Variants in CDH18 observed in about 807,000 individuals in gnomAD.
CDH18 encodes cadherin-18.
CDH18 carries 31 observed loss-of-function variants against 67.9 expected under a neutral mutation model. The ratio of observed to expected loss-of-function variants is 0.46; its 90% CI spans 0.34 to 0.62. The LOEUF is 0.62. CDH18 is among the 20% of genes least tolerant of loss of function. The pLI is 0.01. For missense variants in CDH18, 890 were observed against 975.5 expected (o/e 0.91, Z 1.17); for synonymous variants, 362 against 347.2 (o/e 1.04, Z -0.48).
chr5:19,926,171 G>A (rs957894269), intron 2 of CDH18, among the ~76,000 whole-genome samples: 6 of 152,080 alleles, frequency 3.9e-5, no homozygotes, highest in Non-Finnish European at 4.4e-5. Flanking sequence ...TGACCATACC[G>A]TTCAAGCCTA....
intron 1 of CDH18, among the ~76,000 whole-genome samples, chr5:20,364,930 T>C (rs1022173525): frequency 1.8e-4 from 28 of 152,308 alleles, no homozygotes; most frequent in Admixed American, 7.8e-4. Context: ...ATGGGAATTG[T>C]TTTTTGAGGA....
chr5:19,705,758 C>A (rs970380519), intron 5 of CDH18, among the ~76,000 whole-genome samples: 1 of 151,996 alleles, frequency 6.6e-6, no homozygotes. Flanking sequence ...TGGATATGAT[C>A]CTGGAAAAAT....
At chr5:20,110,635 G>C (rs1747380453) in intron 2 of CDH18, among the ~76,000 whole-genome samples, 1 of 152,130 alleles carries the variant, frequency 6.6e-6, no homozygotes, top group African/African-American at 2.4e-5. Flanking sequence ...AGTTAGCTGA[G>C]ATCGCACCAC....
At chr5:20,317,271 T>C (rs1737560818) in intron 1 of CDH18, among the ~76,000 whole-genome samples, 1 of 152,090 alleles carries the variant, frequency 6.6e-6, no homozygotes, top group South Asian at 2.1e-4. Flanking sequence ...CTGACAGCTG[T>C]GTAAAGAAGC....
intron 1 of CDH18, among the ~76,000 whole-genome samples, chr5:20,445,949 T>C (rs6887953): frequency 0.74 from 111,866 of 151,854 alleles, 41,543 homozygotes; most frequent in Admixed American, 0.84. Flanking sequence ...AGGGTGCTTT[T>C]ATGGGGCTTG....
intron 1 of CDH18, among the ~76,000 whole-genome samples, chr5:20,408,929 A>G (rs559015500): frequency 6.6e-5 from 10 of 151,984 alleles, no homozygotes; most frequent in Admixed American, 5.2e-4. Context: ...CTTATCTCAG[A>G]AAAAAATTAG....
At chr5:19,807,277 C>T (rs1778137442) in intron 3 of CDH18, among the ~76,000 whole-genome samples, 1 of 151,792 alleles carries the variant, frequency 6.6e-6, no homozygotes, top group Admixed American at 6.6e-5. Flanking sequence ...CACATGTTTA[C>T]CTATGTAACA....
chr5:19,867,916 C>G (rs1026560446), intron 2 of CDH18, among the ~76,000 whole-genome samples: 1 of 152,116 alleles, frequency 6.6e-6, no homozygotes, highest in Admixed American at 6.5e-5. Flanking sequence ...GTGCTTACCC[C>G]CATGCTTCTG....
rs193191136 is a variant in CDH18, at chr5:20,392,821, C to A, written c.-579-137316G>T. On this transcript the variant is annotated intron_variant, in intron 1 of 14. Transcript: ENST00000507958. Reference sequence around the variant, plus strand: ...TCCAATTGTAAGTCAGTGAACATACCTTATTTTGGTTCAGCACTTTTTTTA... The same window carrying A: ...TCCAATTGTAAGTCAGTGAACATACATTATTTTGGTTCAGCACTTTTTTTA... Among the ~76,000 whole-genome samples the A allele has an allele frequency of 3.9e-3, 599 of 151,734 alleles. 6 individuals carry two copies. The highest frequency in any genetic ancestry group is 0.014 in the African/African-American group (586 of 41,452).
At chr5:20,556,652 A>T (rs187480568) in intron 1 of CDH18, among the ~76,000 whole-genome samples, 6 of 152,168 alleles carry the variant, frequency 3.9e-5, no homozygotes, top group Non-Finnish European at 7.4e-5. Context: ...TTTATCATTA[A>T]ATGTTGGCCC....
At chr5:20,207,799 G>A (rs1227889904) in intron 2 of CDH18, among the ~76,000 whole-genome samples, 1 of 151,934 alleles carries the variant, frequency 6.6e-6, no homozygotes, top group East Asian at 1.9e-4. Flanking sequence ...AATTATATAA[G>A]CAAACGGAAG....
At chr5:19,939,175 G>T (rs1333625412) in intron 2 of CDH18, among the ~76,000 whole-genome samples, 1 of 151,174 alleles carries the variant, frequency 6.6e-6, no homozygotes, top group Non-Finnish European at 1.5e-5. Context: ...TACCAATGAG[G>T]ATCAAAACAC....
intron 2 of CDH18, among the ~76,000 whole-genome samples, chr5:19,884,138 T>C (rs1310721902): frequency 6.6e-6 from 1 of 152,128 alleles, no homozygotes; most frequent in Admixed American, 6.6e-5. Context: ...TGACAGTCAA[T>C]GGGAAGTTAA....
At chr5:19,658,535 C>T (rs933523793) in intron 5 of CDH18, among the ~76,000 whole-genome samples, 8 of 152,028 alleles carry the variant, frequency 5.3e-5, no homozygotes, top group African/African-American at 1.9e-4. Flanking sequence ...ACATCTGAGG[C>T]ACCCATGGTA....
At chr5:20,111,529 T>C (rs894289185) in intron 2 of CDH18, among the ~76,000 whole-genome samples, 107 of 67,584 alleles carry the variant, frequency 1.6e-3, no homozygotes, top group Non-Finnish European at 2.4e-3. Flanking sequence ...CTCCCTCCCT[T>C]CCTTCCTTCC....
intron 3 of CDH18, among the ~76,000 whole-genome samples, chr5:19,834,927 T>C (rs1260606817): frequency 1.3e-5 from 2 of 152,148 alleles, no homozygotes; most frequent in African/African-American, 4.8e-5. Context: ...TCGATGGGAA[T>C]GTAAATTGGT....
chr5:19,913,105 A>G (rs1791337779), intron 2 of CDH18, among the ~76,000 whole-genome samples: 1 of 152,144 alleles, frequency 6.6e-6, no homozygotes, highest in Non-Finnish European at 1.5e-5. Flanking sequence ...CCGATTTTTT[A>G]AAAGCAAAAA....
At chr5:20,221,103 C>T (rs972455209) in intron 2 of CDH18, among the ~76,000 whole-genome samples, 7 of 151,862 alleles carry the variant, frequency 4.6e-5, no homozygotes, top group African/African-American at 1.2e-4. Flanking sequence ...CAAAACACCA[C>T]GGTTAGATAT....
chr5:19,759,106 T>C (rs10941451), intron 3 of CDH18, among the ~76,000 whole-genome samples: 20,959 of 152,256 alleles, frequency 0.14, 3,669 homozygotes, highest in African/African-American at 0.4. Context: ...TGGTTGCATA[T>C]CAGTTACCAG....
Sources: gnomAD v4.1 joint callset for allele counts (sites outside exome capture counted in the v4.1 genomes callset) on GRCh38, gnomAD v4.1.1 for gene constraint, MANE v1.5 for transcripts, NCBI Gene and HGNC (gene_info 2026-07-23, HGNC 2026-07-21) for gene names.